Variants in SYNE2 observed in about 807,000 individuals in gnomAD.
The protein encoded by SYNE2 is nesprin-2.
Under a neutral mutation model 856.3 loss-of-function variants are expected in SYNE2, and 431 were observed. The ratio of observed to expected loss-of-function variants is 0.50; its 90% CI spans 0.47 to 0.55. SYNE2 has a LOEUF of 0.55. SYNE2 is among the 20% of genes least tolerant of loss of function. SYNE2 has a pLI of 0.00. For missense variants in SYNE2, 8,129 were observed against 8,023.2 expected (o/e 1.01, Z -0.50); for synonymous variants, 2,923 against 2,872.3 (o/e 1.02, Z -0.56).
At chr14:64,071,860 T>C (rs2097411459) in intron 52 of SYNE2, among the ~76,000 whole-genome samples, 2 of 151,900 alleles carry the variant, frequency 1.3e-5, no homozygotes, top group Non-Finnish European at 2.9e-5. Context: ...CTACTAAAAA[T>C]ACAAAAAATT....
chr14:64,098,191 G>C (rs542420619), intron 62 of SYNE2, 45 bp downstream of exon 62: 7 of 1,595,784 alleles, frequency 4.4e-6, no homozygotes, highest in Non-Finnish European at 6.0e-6. Context: ...CTCCACAAGA[G>C]CATTAATGGG....
In SYNE2 at chr14:64,097,933, C is replaced by T; in HGVS notation, c.12109-16C>T. ...CTCAGACTTCTCAAACCTATGCAAA[C>T]ACTCTTTCTACACAGGGAGAAATCG... On this transcript the variant is annotated splice_polypyrimidine_tract_variant and intron_variant, in intron 61 of 115. Coordinates refer to ENST00000555002, the MANE Select transcript of SYNE2 (RefSeq NM_182914.3). 1 of 1,614,076 alleles carries T rather than the reference C, an allele frequency of 6.2e-7. No individual in the cohort carries two copies. Among genetic ancestry groups the T allele is most frequent in the Non-Finnish European group, 8.5e-7 (1 of 1,179,952 alleles).
At chr14:64,092,945 G>A (rs1459823330) in intron 60 of SYNE2, among the ~76,000 whole-genome samples, 1 of 152,048 alleles carries the variant, frequency 6.6e-6, no homozygotes, top group East Asian at 1.9e-4. Context: ...ACCTTTCTAT[G>A]CGGAAAGCCC....
At chr14:64,026,549 AC>A in intron 41 of SYNE2, 29 bp from the exon 42 acceptor site, 1 of 1,579,492 alleles carries the variant, frequency 6.3e-7, no homozygotes, top group Non-Finnish European at 8.7e-7. Context: ...AATGCAAATG[AC>A]ATTATAAAAT....
In SYNE2 at chr14:64,202,785, C is replaced by T. The variant is rs765634096; in HGVS notation, c.18039-16C>T. On this transcript the variant is annotated splice_polypyrimidine_tract_variant and intron_variant, in intron 99 of 115. Transcript: ENST00000555002. ...TTTTTTTTTGTTTCGTTTTGTTTTT[C>T]TGCAAATATGTGTAGGGTGAAGAAG... The T allele has an allele frequency of 1.2e-5, 19 of 1,613,014 alleles. No homozygotes were observed. The highest frequency in any genetic ancestry group is 1.6e-5 in the Non-Finnish European group (19 of 1,179,632).
chr14:63,947,166 G>A (rs986281797), intron 6 of SYNE2, among the ~76,000 whole-genome samples: 2 of 151,944 alleles, frequency 1.3e-5, no homozygotes, highest in Admixed American at 6.6e-5. Flanking sequence ...ATTCTTTAAC[G>A]ACCTCTTTTT....
chr14:63,924,908 A>C (rs1191352578), intron 2 of SYNE2, among the ~76,000 whole-genome samples: 3 of 134,148 alleles, frequency 2.2e-5, no homozygotes, highest in South Asian at 4.8e-4. Flanking sequence ...GGAAGTATAC[A>C]TCCTTGCTTT....
At chr14:64,201,634 A>C (rs1471840273) in intron 99 of SYNE2, among the ~76,000 whole-genome samples, 1 of 152,074 alleles carries the variant, frequency 6.6e-6, no homozygotes, top group African/African-American at 2.4e-5. Context: ...ACTTACTTAC[A>C]CTTTGGCTAC....
chr14:63,762,030 A>C, intron 1 of SYNE2: 1 of 496,368 alleles, frequency 2.0e-6, no homozygotes, highest in Non-Finnish European at 4.1e-6. Context: ...AATATAAGCT[A>C]GTCGTTCTTG....
At chr14:64,195,718 A>G (rs74476086) in intron 99 of SYNE2, among the ~76,000 whole-genome samples, 7,744 of 152,282 alleles carry the variant, frequency 0.051, 280 homozygotes, top group Non-Finnish European at 0.072. Context: ...TTTTAAACTG[A>G]TAAAGCTTTT....
chr14:64,062,932 C>CA (rs772399249), intron 50 of SYNE2, 37 bp downstream of exon 50: 37 of 1,613,452 alleles, frequency 2.3e-5, no homozygotes, highest in Non-Finnish European at 2.9e-5. Context: ...AGTCTGTGTG[C>CA]AAAAAATTGC....
chr14:64,027,741 A>G lies in SYNE2; in HGVS notation c.6662A>G (p.Glu2221Gly). 1 of 1,614,160 alleles carries G rather than the reference A, an allele frequency of 6.2e-7. No individual in the cohort carries two copies. The highest frequency in any genetic ancestry group is 8.5e-7 in the Non-Finnish European group (1 of 1,180,024). ...ECTKNPSFSE[E>G]PWLEIKHLHE... ...ACTAAAAATCCCAGCTTCAGTGAAGAGCCTTGGCTGGAAATAAAGCATCTA... is the reference window on the plus strand; with the variant it reads ...ACTAAAAATCCCAGCTTCAGTGAAGGGCCTTGGCTGGAAATAAAGCATCTA... Residue 2221 changes from glutamate to glycine, a missense_variant, in exon 43 of 116, where the codon GAG (glutamate) becomes GGG (glycine). By Grantham distance (98) the Glu-to-Gly change is moderately conservative. Around this residue, in one of 3 missense-constraint regions of SYNE2, gnomAD observed 297 missense variants for 380.9 expected, o/e 0.78. Transcript: ENST00000555002.
In SYNE2 at chr14:63,948,711, T is replaced by C. The variant is rs1245630578; in HGVS notation, c.409-1114T>C. Among the ~76,000 whole-genome samples the C allele has an allele frequency of 2.5e-3, 208 of 83,436 alleles. 7 individuals are homozygous for C. The highest frequency in any genetic ancestry group is 5.8e-3 in the Middle Eastern group (1 of 172). The allele number at this position is 83,436 out of a possible 152,430, so 54.7% of individuals were successfully genotyped here. On this transcript the variant is annotated intron_variant, in intron 6 of 115. Coordinates refer to ENST00000555002, the MANE Select transcript of SYNE2 (RefSeq NM_182914.3). ...GTGTGTATATATATATATATGTATA[T>C]ATATATGTGTGTATATATATGTGTA...
At position 64,149,571 on chromosome 14, in the gene SYNE2, G is replaced by C. The variant is rs2098221373; in HGVS notation, c.15640-2993G>C. ...AAAATTGTATAGTTGAATAGAGTGGGGAGGTTTGAGATGAGATTATTAATC... is the reference window on the plus strand; with the variant it reads ...AAAATTGTATAGTTGAATAGAGTGGCGAGGTTTGAGATGAGATTATTAATC... On this transcript the variant is annotated intron_variant, in intron 84 of 115. Coordinates refer to ENST00000555002, the MANE Select transcript of SYNE2 (RefSeq NM_182914.3). 2.0e-5 allele frequency among the ~76,000 whole-genome samples: 3 copies of C among 152,162 alleles called. No individual in the cohort carries two copies. In the South Asian group the frequency reaches 6.2e-4, roughly 32 times the overall value.
chr14:63,989,850 A>G (rs1014214797), intron 19 of SYNE2, among the ~76,000 whole-genome samples: 2 of 151,826 alleles, frequency 1.3e-5, no homozygotes, highest in Admixed American at 1.3e-4. Context: ...GGGTTTCACC[A>G]TGTTGGCCAG....
At chr14:63,940,823 A>G (rs1018460722) in intron 3 of SYNE2, 148 bp downstream of exon 3, 1 of 725,698 alleles carries the variant, frequency 1.4e-6, no homozygotes, top group Non-Finnish European at 2.3e-6. Flanking sequence ...AGAATGTGCT[A>G]AAAGTTGTCT....
In SYNE2 at chr14:64,101,947, G is replaced by A. The variant is rs758104840; in HGVS notation, c.12397G>A (p.Ala4133Thr). The change falls in exon 64 of 116, where the codon GCA becomes ACA. Residue 4133 changes from alanine (A) to threonine (T), a missense_variant. Physicochemically the swap from Ala to Thr is moderately conservative, Grantham distance 58 (BLOSUM62 0). Transcript: ENST00000555002. ...SVKSDNGDEK[A>T]EPSPQSWSSL... ...ACTGTGATAGAATGGAGATGAGAAG[G>A]CAGAGCCATCGCCTCAGTCTTGGTC... 3.7e-6 allele frequency: 6 copies of A among 1,613,544 alleles called. No homozygotes were observed. In the Admixed American group the frequency reaches 8.3e-5, roughly 22 times the overall value.
Position 63,986,442 on chromosome 14 carries a change from T to C in SYNE2, c.2152-14T>C, listed in dbSNP as rs765982834. On this transcript the variant is annotated splice_polypyrimidine_tract_variant and intron_variant, in intron 18 of 115. Coordinates refer to ENST00000555002, the MANE Select transcript of SYNE2 (RefSeq NM_182914.3). The stretch of plus-strand genomic sequence containing the variant: ...ATGCTGACATTTTCTCAGTGGTACT[T>C]TTGAATGTTGTAGGCTGGAGAGAAA... 6.2e-7 allele frequency: 1 copy of C among 1,613,900 alleles called. No individual in the cohort carries two copies. The highest frequency in any genetic ancestry group is 8.5e-7 in the Non-Finnish European group (1 of 1,179,884).
At chr14:64,224,399 A>T in intron 113 of SYNE2, 62 bp from the exon 114 acceptor site, 2 of 1,246,086 alleles carry the variant, frequency 1.6e-6, no homozygotes, top group Non-Finnish European at 2.3e-6. Context: ...AGGGTGAGCT[A>T]TATCATGAAG....
Sources: allele counts gnomAD v4.1 joint callset (sites outside exome capture counted in the v4.1 genomes callset), GRCh38; gene constraint gnomAD v4.1.1; regional missense constraint gnomAD v4.1.1; transcripts MANE v1.5; gene names NCBI Gene and HGNC (gene_info 2026-07-23, HGNC 2026-07-21).